Variants in CTNNA3 observed in about 807,000 individuals in gnomAD.
CTNNA3 encodes catenin alpha-3.
Under a neutral mutation model 95.7 loss-of-function variants are expected in CTNNA3, and 76 were observed. That is an observed-to-expected ratio of 0.79 (90% confidence interval 0.66 to 0.96). The LOEUF is 0.96. Among genes scored for constraint, CTNNA3 ranks in the 40% least tolerant of loss-of-function variants. The pLI is 0.00. For synonymous variants in CTNNA3, 431 were observed against 374.4 expected (o/e 1.15, Z -1.74); for missense variants, 1,191 against 1,089.8 (o/e 1.09, Z -1.31).
In CTNNA3 at chr10:66,560,029, G is replaced by A. The variant is rs751153377; in HGVS notation, c.1375-39256C>T. 7.2e-5 allele frequency among the ~76,000 whole-genome samples: 11 copies of A among 152,184 alleles called. No homozygotes were observed. The East Asian group carries it at 7.7e-4, about 11-fold the overall frequency. On this transcript the variant is annotated intron_variant, in intron 10 of 17. Coordinates refer to ENST00000433211, the MANE Select transcript of CTNNA3 (RefSeq NM_013266.4). The stretch of plus-strand genomic sequence containing the variant: ...CAAGTGGGAAGAATGGAGAGAGGAC[G>A]GGATTGCATGACTCACAGGGATTTC...
At chr10:65,983,731 G>A (rs1369044201) in intron 16 of CTNNA3, among the ~76,000 whole-genome samples, 1 of 151,310 alleles carries the variant, frequency 6.6e-6, no homozygotes, top group Non-Finnish European at 1.5e-5. Context: ...CAATTCTGAA[G>A]TCTAAAAAAT....
intron 12 of CTNNA3, among the ~76,000 whole-genome samples, chr10:66,363,553 T>C (rs2092691607): frequency 6.6e-6 from 1 of 152,152 alleles, no homozygotes; most frequent in African/African-American, 2.4e-5. Flanking sequence ...AATAAATCTC[T>C]ATTGCTTAAT....
intron 1 of CTNNA3, among the ~76,000 whole-genome samples, chr10:67,662,938 C>T (rs1229103036): frequency 6.6e-6 from 1 of 152,148 alleles, no homozygotes; most frequent in Non-Finnish European, 1.5e-5. Context: ...AATATTTCTA[C>T]ATTATTTCAT....
intron 2 of CTNNA3, among the ~76,000 whole-genome samples, chr10:67,618,365 C>T (rs1375130578): frequency 6.6e-6 from 1 of 152,200 alleles, no homozygotes; most frequent in African/African-American, 2.4e-5. Context: ...ATGGTTATGA[C>T]TCCTACTTAC....
At chr10:67,184,250 T>C (rs1039855712) in intron 6 of CTNNA3, among the ~76,000 whole-genome samples, 5 of 152,196 alleles carry the variant, frequency 3.3e-5, no homozygotes, top group African/African-American at 1.2e-4. Context: ...TGACCTTTGC[T>C]CTTGACTGGT....
At chr10:66,540,553 T>C (rs950723140) in intron 10 of CTNNA3, among the ~76,000 whole-genome samples, 6 of 152,106 alleles carry the variant, frequency 3.9e-5, no homozygotes, top group Non-Finnish European at 7.4e-5. Flanking sequence ...AGAAATAAAG[T>C]TGAGCCGTTT....
At chr10:66,091,149 A>G (rs948696661) in intron 14 of CTNNA3, among the ~76,000 whole-genome samples, 2 of 151,942 alleles carry the variant, frequency 1.3e-5, no homozygotes, top group Admixed American at 6.6e-5. Flanking sequence ...GACTTTTTCA[A>G]TGATGACAAT....
chr10:66,189,969 C>T (rs2086583502), intron 13 of CTNNA3, among the ~76,000 whole-genome samples: 1 of 151,296 alleles, frequency 6.6e-6, no homozygotes, highest in Admixed American at 6.6e-5. Context: ...AATGGCAGTC[C>T]CACAAAGAGA....
At chr10:66,763,765 GA>G (rs1297689052) in intron 9 of CTNNA3, among the ~76,000 whole-genome samples, 1 of 152,158 alleles carries the variant, frequency 6.6e-6, no homozygotes, top group Admixed American at 6.6e-5. Flanking sequence ...ACCATGCTGT[GA>G]AAAGCTGAAG....
intron 6 of CTNNA3, 64 bp from the exon 7 acceptor site, chr10:67,180,584 T>A: frequency 7.4e-7 from 1 of 1,351,804 alleles, no homozygotes. Context: ...GAAAAACAAA[T>A]GTTATTTTGT....
chr10:66,353,656 G>A (rs750515329), intron 12 of CTNNA3, among the ~76,000 whole-genome samples: 12 of 151,922 alleles, frequency 7.9e-5, no homozygotes, highest in Non-Finnish European at 1.8e-4. Context: ...GCCTGCTAGG[G>A]GAGCAACCAA....
At chr10:66,007,027 C>T (rs2078900858) in intron 15 of CTNNA3, among the ~76,000 whole-genome samples, 1 of 152,078 alleles carries the variant, frequency 6.6e-6, no homozygotes, top group African/African-American at 2.4e-5. Context: ...CCCCCCGCAC[C>T]CCCACCATTC....
chr10:67,592,046 T>G (rs1179216322), intron 3 of CTNNA3, among the ~76,000 whole-genome samples: 1 of 152,058 alleles, frequency 6.6e-6, no homozygotes, highest in Non-Finnish European at 1.5e-5. Flanking sequence ...ATCCCTATCT[T>G]ACCCCCTCTC....
At chr10:67,168,627 T>C (rs945375082) in intron 7 of CTNNA3, among the ~76,000 whole-genome samples, 3 of 152,146 alleles carry the variant, frequency 2.0e-5, no homozygotes, top group African/African-American at 7.2e-5. Flanking sequence ...TGAAGGAACA[T>C]ACATCAAAAT....
intron 13 of CTNNA3, among the ~76,000 whole-genome samples, chr10:66,171,007 C>T (rs2085396417): frequency 6.6e-6 from 1 of 151,964 alleles, no homozygotes; most frequent in Non-Finnish European, 1.5e-5. Flanking sequence ...GTGGCAGGCA[C>T]CTATAATCCC....
intron 9 of CTNNA3, among the ~76,000 whole-genome samples, chr10:66,699,538 A>C (rs1401469037): frequency 6.6e-6 from 1 of 152,134 alleles, no homozygotes; most frequent in Admixed American, 6.6e-5. Context: ...TTGTTTAGAA[A>C]AATGTCTATT....
At chr10:67,250,341 G>T (rs1866058176) in intron 5 of CTNNA3, among the ~76,000 whole-genome samples, 1 of 151,892 alleles carries the variant, frequency 6.6e-6, no homozygotes, top group African/African-American at 2.4e-5. Flanking sequence ...TCAGCCTCCT[G>T]AGTAGCTGGG....
intron 13 of CTNNA3, among the ~76,000 whole-genome samples, chr10:66,260,395 A>G (rs1350238911): frequency 2.0e-5 from 3 of 152,086 alleles, no homozygotes; most frequent in African/African-American, 7.2e-5. Context: ...CCAAGACCTA[A>G]GTTCCCATTC....
chr10:66,300,565 T>C (rs186970501), intron 12 of CTNNA3, among the ~76,000 whole-genome samples: 5 of 151,826 alleles, frequency 3.3e-5, no homozygotes, highest in Non-Finnish European at 7.4e-5. Context: ...GGATTCCTGA[T>C]ACTAGATGAT....
Sources: allele counts gnomAD v4.1 joint callset (sites outside exome capture counted in the v4.1 genomes callset), GRCh38; gene constraint gnomAD v4.1.1; transcripts MANE v1.5; gene names NCBI Gene and HGNC (gene_info 2026-07-23, HGNC 2026-07-21).